The following CAMTA1 variants were observed in gnomAD, a reference collection of about 807,000 sequenced individuals.
The protein encoded by CAMTA1 is calmodulin-binding transcription activator 1.
A neutral mutation model predicts 170.9 loss-of-function variants in CAMTA1; 27 were observed. The observed-to-expected ratio is 0.16, with a 90% CI of 0.12 to 0.22. The LOEUF (loss-of-function observed/expected upper bound fraction) is 0.22. Ranked by LOEUF, CAMTA1 falls within the 10% of genes least tolerant of loss-of-function variation. The pLI is 1.00. For synonymous variants in CAMTA1, 833 were observed against 891.5 expected, an observed-to-expected ratio of 0.93 and a Z score of 1.17; for missense variants, 1,619 against 2,217.2, an observed-to-expected ratio of 0.73 and a Z score of 5.42.
At chr1:7,323,343 C>T (rs1005703883) in intron 5 of CAMTA1, among the ~76,000 whole-genome samples, 4 of 152,046 alleles carry the variant, frequency 2.6e-5, no homozygotes, top group African/African-American at 9.6e-5. Flanking sequence ...GAAAAATCTT[C>T]CTCCAGATAT....
intron 3 of CAMTA1, among the ~76,000 whole-genome samples, chr1:6,832,086 T>G (rs1650492091): frequency 6.6e-6 from 1 of 152,022 alleles, no homozygotes; most frequent in South Asian, 2.1e-4. Flanking sequence ...CTTATTTTTT[T>G]TTATTTTTTT....
intron 6 of CAMTA1, among the ~76,000 whole-genome samples, chr1:7,636,706 T>C (rs1489284605): frequency 4.5e-5 from 6 of 134,482 alleles, no homozygotes; most frequent in African/African-American, 3.5e-5. Flanking sequence ...TGAAACTCCA[T>C]CTCAAAAAAA....
intron 5 of CAMTA1, among the ~76,000 whole-genome samples, chr1:7,271,495 T>C (rs1481429790): frequency 2.0e-5 from 3 of 150,334 alleles, no homozygotes; most frequent in Non-Finnish European, 4.4e-5. Context: ...ATAGAGAAAA[T>C]CAATGAAACC....
At chr1:7,099,059 A>G (rs1642421013) in intron 4 of CAMTA1, among the ~76,000 whole-genome samples, 2 of 151,960 alleles carry the variant, frequency 1.3e-5, no homozygotes, top group African/African-American at 4.8e-5. Flanking sequence ...ATGCTTTTTA[A>G]AAAAATTTTG....
At chr1:7,764,331 A>G (rs986811025) in intron 22 of CAMTA1, among the ~76,000 whole-genome samples, 5 of 152,246 alleles carry the variant, frequency 3.3e-5, no homozygotes, top group African/African-American at 9.6e-5. Flanking sequence ...TGTCACTGTC[A>G]TTTATAAAAA....
chr1:7,709,053 A>G (rs1056047604), intron 11 of CAMTA1, among the ~76,000 whole-genome samples: 3 of 152,118 alleles, frequency 2.0e-5, no homozygotes, highest in African/African-American at 7.2e-5. Context: ...GCCCTCTGTC[A>G]CACGCAGCCA....
intron 5 of CAMTA1, among the ~76,000 whole-genome samples, chr1:7,383,598 GCA>G (rs1272146162): frequency 2.0e-5 from 3 of 152,122 alleles, no homozygotes; most frequent in Non-Finnish European, 4.4e-5. Context: ...ACAACATAGG[GCA>G]CAGAGTGAGC....
intron 3 of CAMTA1, among the ~76,000 whole-genome samples, chr1:7,003,696 A>G (rs1450394792): frequency 6.6e-6 from 1 of 152,240 alleles, no homozygotes; most frequent in Non-Finnish European, 1.5e-5. Flanking sequence ...GAGGCCACAG[A>G]GGTACTTTGT....
At chr1:7,004,908 C>T (rs942773912) in intron 3 of CAMTA1, among the ~76,000 whole-genome samples, 15 of 152,222 alleles carry the variant, frequency 9.9e-5, no homozygotes, top group African/African-American at 3.6e-4. Flanking sequence ...GCTGGGATTA[C>T]AGGCACATGC....
intron 5 of CAMTA1, among the ~76,000 whole-genome samples, chr1:7,379,023 A>G (rs938423976): frequency 6.6e-6 from 1 of 152,202 alleles, no homozygotes; most frequent in Non-Finnish European, 1.5e-5. Flanking sequence ...TGGCACCTGC[A>G]GGCACCCTCC....
Position 7,601,147 on chromosome 1 carries a change from GGCCGGGCAGGGGGCTGACCC to G in CAMTA1, c.511-39252_511-39233del, listed in dbSNP as rs2095438098. On this transcript the variant is annotated intron_variant, in intron 6 of 22. Transcript: ENST00000303635. ...CACCTCCCTCCCGGACGGGGCGGCT[GGCCGGGCAGGGGGCTGACCC>G]CCACCTCCCTCCCGGACGGGGTGGC... 3.3e-5 allele frequency among the ~76,000 whole-genome samples: 4 copies of G among 122,544 alleles called. 1 individual carries two copies. In the South Asian group the frequency reaches 9.8e-4, roughly 30 times the overall value. 80.4% of individuals were successfully genotyped at this position (122,544 alleles called of 152,430 possible).
rs77470369 is a variant in CAMTA1, at chr1:7,748,645, G to A, written c.4689+864G>A. On this transcript the variant is annotated intron_variant, in intron 19 of 22. Coordinates refer to ENST00000303635, the MANE Select transcript of CAMTA1 (RefSeq NM_015215.4). The surrounding 1 kb of genome is among the most constrained non-coding windows in gnomAD (Gnocchi z 4.7). ...AATGCTGGCTATTTATTACCTTTGA[G>A]TTTGAATTATATAAGGTATTTAATC... is the stretch of plus-strand genomic sequence containing the variant. Among the ~76,000 whole-genome samples the A allele has an allele frequency of 2.5e-3, 374 of 152,264 alleles. 7 individuals are homozygous for A. In the East Asian group the frequency reaches 0.063, roughly 26 times the overall value.
chr1:7,466,116 G>A (rs2093205058), intron 5 of CAMTA1, among the ~76,000 whole-genome samples: 1 of 152,174 alleles, frequency 6.6e-6, no homozygotes, highest in Non-Finnish European at 1.5e-5. Context: ...AATGTCACAG[G>A]TGGGTTGCTT....
intron 5 of CAMTA1, among the ~76,000 whole-genome samples, chr1:7,284,413 A>G (rs1009454390): frequency 1.2e-4 from 18 of 151,972 alleles, no homozygotes; most frequent in Admixed American, 7.9e-4. Flanking sequence ...CATGTTAGCC[A>G]GGCTGGTCTT....
chr1:6,866,967 CCTTT>C (rs1461660075), intron 3 of CAMTA1, among the ~76,000 whole-genome samples: 1 of 152,232 alleles, frequency 6.6e-6, no homozygotes, highest in Non-Finnish European at 1.5e-5. Flanking sequence ...CTCTCAGCTT[CCTTT>C]GTGTGGATGG....
At chr1:7,457,637 G>C (rs1234376748) in intron 5 of CAMTA1, among the ~76,000 whole-genome samples, 1 of 152,194 alleles carries the variant, frequency 6.6e-6, no homozygotes, top group Admixed American at 6.5e-5. Flanking sequence ...GCTTGCAAAA[G>C]GGCCTATGCT....
rs114192903 is a variant in CAMTA1 at position 7,684,315 on chromosome 1, T to C, written c.2914+6582T>C. 5.1e-3 allele frequency among the ~76,000 whole-genome samples: 774 copies of C among 152,170 alleles called. 6 individuals carry two copies. Among genetic ancestry groups the C allele is most frequent in the African/African-American group, 0.016 (666 of 41,504 alleles). On this transcript the variant is annotated intron_variant, in intron 11 of 22. Coordinates refer to ENST00000303635, the MANE Select transcript of CAMTA1 (RefSeq NM_015215.4). ...GCGGGCCAGATGGCTCCTTCCAGAG[T>C]GTGCATGACTATGGCAGCTCAGACC...
chr1:7,480,889 C>T (rs2093520491), intron 6 of CAMTA1, among the ~76,000 whole-genome samples: 1 of 152,204 alleles, frequency 6.6e-6, no homozygotes, highest in Non-Finnish European at 1.5e-5. Context: ...AACATCCTCT[C>T]TTAATGCAGA....
chr1:7,226,076 C>T (rs935686523), intron 4 of CAMTA1, among the ~76,000 whole-genome samples: 1 of 152,250 alleles, frequency 6.6e-6, no homozygotes, highest in Non-Finnish European at 1.5e-5. Context: ...TTCAGTTGTC[C>T]CCACATCCCC....
Sources: gnomAD v4.1 joint callset for allele counts (sites outside exome capture counted in the v4.1 genomes callset) on GRCh38, gnomAD v4.1.1 for gene constraint, Gnocchi (gnomAD v3.1) non-coding constraint, MANE v1.5 for transcripts, NCBI Gene and HGNC (gene_info 2026-07-23, HGNC 2026-07-21) for gene names.